CFAP45: variants seen among roughly 807,000 people sequenced by gnomAD.
CFAP45 encodes cilia- and flagella-associated protein 45.
A neutral mutation model predicts 75.6 loss-of-function variants in CFAP45; 43 were observed. The ratio of observed to expected loss-of-function variants is 0.57; its 90% CI spans 0.45 to 0.73. The LOEUF (loss-of-function observed/expected upper bound fraction) is 0.73, where lower values mean the gene tolerates loss of function less well. CFAP45 is among the 30% of genes least tolerant of loss of function. The pLI, the probability that CFAP45 is intolerant of heterozygous loss-of-function variation, is 0.00. For missense variants in CFAP45, 689 were observed against 701.5 expected, an observed-to-expected ratio of 0.98 and a Z score of 0.20; for synonymous variants, 223 against 244.6, an observed-to-expected ratio of 0.91 and a Z score of 0.82.
chr1:159,882,802 C>T (rs1376646508), intron 7 of CFAP45, among the ~76,000 whole-genome samples: 1 of 152,208 alleles, frequency 6.6e-6, no homozygotes, highest in Non-Finnish European at 1.5e-5. Flanking sequence ...TCACTTCTCA[C>T]CCACTACCTT....
chr1:159,886,737 G>A, intron 5 of CFAP45, 48 bp from the exon 6 acceptor site: 4 of 1,506,220 alleles, frequency 2.7e-6, no homozygotes, highest in Non-Finnish European at 3.7e-6. Flanking sequence ...GGATGTGTAA[G>A]TTTAAGGGGA....
rs772112494 is a variant in CFAP45, at chr1:159,880,700, C to T, written c.898G>A (p.Asp300Asn). 1.9e-6 allele frequency: 3 copies of T among 1,613,624 alleles called. No individual in the cohort carries two copies. The highest frequency in any genetic ancestry group is 1.3e-5 in the African/African-American group (1 of 75,010). Residue 300 changes from aspartate to asparagine, a missense_variant and splice_region_variant, in exon 8 of 12, where the codon GAC (aspartate) becomes AAC (asparagine). Asp to Asn is a conservative substitution (Grantham distance 23). Coordinates refer to ENST00000368099, the MANE Select transcript of CFAP45 (RefSeq NM_012337.3). ...MEQLQEEDLK[D>N]MERRQQQKLK... ...TTTTGTTGCTGCCTTCGTTCCATGT[C>T]CTGCCAGCAAAAGAAAGAGAGCCTC...
At chr1:159,891,463 T>G (rs1187095009) in intron 2 of CFAP45, among the ~76,000 whole-genome samples, 1 of 152,128 alleles carries the variant, frequency 6.6e-6, no homozygotes, top group African/African-American at 2.4e-5. Flanking sequence ...GCTCATTGAG[T>G]TGGTGGTGAG....
At chr1:159,892,128 A>C (rs914924855) in intron 2 of CFAP45, among the ~76,000 whole-genome samples, 3 of 152,100 alleles carry the variant, frequency 2.0e-5, no homozygotes, top group Non-Finnish European at 4.4e-5. Flanking sequence ...CTTTACAAAA[A>C]ATACAAAAAT....
Position 159,878,230 on chromosome 1 carries a change from C to T in CFAP45, c.1045-768G>A, listed in dbSNP as rs146159263. On this transcript the variant is annotated intron_variant, in intron 8 of 11. Transcript: ENST00000368099. ...GGTCCTGTGCCTGTCTTGTAAAGTA[C>T]AGCAGGTGGAGGTTATCTCATTAGT... is the stretch of plus-strand genomic sequence containing the variant. Among the ~76,000 whole-genome samples, 20 of 152,294 alleles carry T rather than the reference C, an allele frequency of 1.3e-4. No individual in the cohort carries two copies. In the East Asian group the frequency reaches 3.9e-3, roughly 29 times the overall value.
intron 10 of CFAP45, among the ~76,000 whole-genome samples, chr1:159,874,343 A>G (rs910271433): frequency 6.6e-6 from 1 of 152,090 alleles, no homozygotes; most frequent in Non-Finnish European, 1.5e-5. Flanking sequence ...AAGATCCACC[A>G]TACATGCGGC....
chr1:159,875,242 C>T (rs1649371576), intron 10 of CFAP45, among the ~76,000 whole-genome samples: 1 of 152,208 alleles, frequency 6.6e-6, no homozygotes, highest in Non-Finnish European at 1.5e-5. Flanking sequence ...TGCCTGTTAA[C>T]AGCAACACAG....
At chr1:159,899,528 C>T (rs1020927005) in intron 1 of CFAP45, among the ~76,000 whole-genome samples, 1 of 139,996 alleles carries the variant, frequency 7.1e-6, no homozygotes, top group South Asian at 2.3e-4. Context: ...AGTGCAGTGG[C>T]GCGATCTCGG....
chr1:159,887,661 A>G (rs1316599734), intron 5 of CFAP45, among the ~76,000 whole-genome samples, 180 bp downstream of exon 5: 1 of 152,242 alleles, frequency 6.6e-6, no homozygotes, highest in Non-Finnish European at 1.5e-5. Flanking sequence ...CACACAGCGA[A>G]CAGGTGGCAG....
At chr1:159,874,291 A>C (rs1261683215) in intron 10 of CFAP45, among the ~76,000 whole-genome samples, 3 of 152,126 alleles carry the variant, frequency 2.0e-5, no homozygotes, top group East Asian at 3.9e-4. Flanking sequence ...AAAGGTACCT[A>C]CAACACTGCT....
In CFAP45 at chr1:159,884,476, A is replaced by G. The variant is rs372564105; in HGVS notation, c.857T>C (p.Met286Thr). The change falls in exon 7 of 12, where the codon ATG becomes ACG. Residue 286 changes from methionine to threonine, a missense_variant. Transcript: ENST00000368099. ...TTGGAGCTGTTCCATATATTCCAGCATCTGCTCCTTCTCCTGCTCCCGCTG... is the reference window on the plus strand; with the variant it reads ...TTGGAGCTGTTCCATATATTCCAGCGTCTGCTCCTTCTCCTGCTCCCGCTG... ...AEQREQEKEQ[M>T]LEYMEQLQEE... The G allele has an allele frequency of 2.7e-5, 43 of 1,613,784 alleles. No homozygotes were observed. Among genetic ancestry groups the G allele is most frequent in the Non-Finnish European group, 3.6e-5 (42 of 1,179,920 alleles).
chr1:159,878,766 A>C (rs1362057556), intron 8 of CFAP45, among the ~76,000 whole-genome samples: 1 of 136,950 alleles, frequency 7.3e-6, no homozygotes. Context: ...AAAAAAAAAA[A>C]AAAAAAAAAA....
chr1:159,874,105 C>G (rs1026412747), intron 10 of CFAP45, among the ~76,000 whole-genome samples: 8 of 152,226 alleles, frequency 5.3e-5, no homozygotes, highest in African/African-American at 1.9e-4. Context: ...ACAGGAAAGG[C>G]TCAGAAAACA....
intron 1 of CFAP45, among the ~76,000 whole-genome samples, chr1:159,895,025 C>A (rs1649921840): frequency 6.6e-6 from 1 of 152,178 alleles, no homozygotes; most frequent in Admixed American, 6.5e-5. Context: ...TTCTTTTGTT[C>A]CTATTTGTGA....
chr1:159,885,439 T>G (rs1053595715), intron 6 of CFAP45, among the ~76,000 whole-genome samples: 6 of 152,222 alleles, frequency 3.9e-5, no homozygotes, highest in African/African-American at 1.4e-4. Flanking sequence ...GAGAACAGGA[T>G]ACAGTTGGGG....
At chr1:159,887,541 A>G (rs2501323) in intron 5 of CFAP45, among the ~76,000 whole-genome samples, 137,281 of 152,338 alleles carry the variant, frequency 0.9, 62,034 homozygotes, top group African/African-American at 0.97. Context: ...AGCCTCTCCC[A>G]TCTACTACCT....
rs769399551 is a variant in CFAP45, at chr1:159,890,553, G to A, written c.199C>T (p.Leu67Phe). The A allele has an allele frequency of 1.2e-6, 2 of 1,614,114 alleles. No individual in the cohort carries two copies. Among genetic ancestry groups the A allele is most frequent in the Non-Finnish European group, 1.7e-6 (2 of 1,179,984 alleles). The stretch of plus-strand genomic sequence containing the variant: ...TTGCGATCCAAGCCCAAAGCAGTGA[G>A]AGTTTTTTGAAGGGTATGCTTATCT... ...LRDKHTLQKTLTALGLDRKPE... is the reference protein window; with the variant it reads ...LRDKHTLQKTFTALGLDRKPE... The change falls in exon 3 of 12, where the codon CTC becomes TTC. Residue 67 changes from leucine (L) to phenylalanine (F), a missense_variant. Transcript: ENST00000368099.
In CFAP45 at chr1:159,890,573, T is replaced by A. The variant is rs113760904; in HGVS notation, c.179A>T (p.Lys60Met). ...SDSPIVLLRD[K>M]HTLQKTLTAL... is the part of the protein sequence containing the mutation. ...AGTGAGAGTTTTTTGAAGGGTATGC[T>A]TATCTCGGAGCAGCACAATGGGGCT... Residue 60 changes from lysine (K) to methionine (M), a missense_variant, in exon 3 of 12, where the codon AAG becomes ATG. Physicochemically the swap from Lys to Met is moderately conservative, Grantham distance 95 (BLOSUM62 -1). Coordinates refer to ENST00000368099, the MANE Select transcript of CFAP45 (RefSeq NM_012337.3). 46 of 1,613,928 alleles carry A rather than the reference T, an allele frequency of 2.9e-5. 2 individuals carry two copies. In the African/African-American group the frequency reaches 3.5e-4, roughly 12 times the overall value.
At chr1:159,893,456 A>G in intron 1 of CFAP45, 151 bp from the exon 2 acceptor site, 1 of 717,756 alleles carries the variant, frequency 1.4e-6, no homozygotes, top group Non-Finnish European at 2.4e-6. Flanking sequence ...TCTGAACCAT[A>G]GGGGACAAGG....
Sources: allele counts gnomAD v4.1 joint callset (sites outside exome capture counted in the v4.1 genomes callset), GRCh38; gene constraint gnomAD v4.1.1; transcripts MANE v1.5; gene names NCBI Gene and HGNC (gene_info 2026-07-23, HGNC 2026-07-21).